Variants in DOCK1 observed in about 807,000 individuals in gnomAD.
The protein encoded by DOCK1 is dedicator of cytokinesis 1, also known as dedicator of cytokinesis protein 1.
A neutral mutation model predicts 262.7 loss-of-function variants in DOCK1; 138 were observed. The observed-to-expected ratio is 0.53, with a 90% CI of 0.46 to 0.61. The LOEUF is 0.61. DOCK1 is among the 20% of genes least tolerant of loss of function. The pLI, the probability that DOCK1 is intolerant of heterozygous loss-of-function variation, is 0.00. For missense variants in DOCK1, 1,908 were observed against 2,370.7 expected (o/e 0.80, Z 4.05); for synonymous variants, 866 against 867.4 (o/e 1.00, Z 0.03).
At chr10:127,336,689 G>A (rs185991669) in intron 29 of DOCK1, among the ~76,000 whole-genome samples, 2,691 of 152,026 alleles carry the variant, frequency 0.018, 35 homozygotes, top group Non-Finnish European at 0.028. Flanking sequence ...GCAGGTGCCC[G>A]CCACCACACC....
chr10:127,284,969 CAA>C (rs56182315), intron 29 of DOCK1, among the ~76,000 whole-genome samples: 2 of 149,216 alleles, frequency 1.3e-5, no homozygotes, highest in African/African-American at 4.9e-5. Context: ...CTTGTCTCTA[CAA>C]AAAAAAAATT....
intron 27 of DOCK1, among the ~76,000 whole-genome samples, chr10:127,201,130 A>G (rs1342274015): frequency 6.6e-6 from 1 of 152,212 alleles, no homozygotes; most frequent in Non-Finnish European, 1.5e-5. Flanking sequence ...TCTTTCAAGA[A>G]CAAGACAGAC....
At chr10:127,111,378 AG>A (rs1297958700) in intron 25 of DOCK1, among the ~76,000 whole-genome samples, 2 of 152,198 alleles carry the variant, frequency 1.3e-5, no homozygotes, top group African/African-American at 4.8e-5. Flanking sequence ...GACTTTCTGC[AG>A]CCCCTCCATG....
At chr10:127,036,098 T>C (rs2043596155) in intron 18 of DOCK1, among the ~76,000 whole-genome samples, 1 of 152,164 alleles carries the variant, frequency 6.6e-6, no homozygotes, top group South Asian at 2.1e-4. Context: ...CTGCTGCCAT[T>C]TGTGCTTTGG....
chr10:127,180,581 T>C (rs1406569140), intron 27 of DOCK1, among the ~76,000 whole-genome samples: 1 of 152,222 alleles, frequency 6.6e-6, no homozygotes, highest in Non-Finnish European at 1.5e-5. Flanking sequence ...AAGTGAGCTG[T>C]AAATACATAA....
intron 1 of DOCK1, among the ~76,000 whole-genome samples, chr10:126,965,701 T>C (rs2134607797): frequency 6.6e-6 from 1 of 152,288 alleles, no homozygotes; most frequent in South Asian, 2.1e-4. Flanking sequence ...TCAAGTTGTT[T>C]TTTTTGCTTT....
chr10:126,945,036 A>T (rs1410140199), intron 1 of DOCK1, among the ~76,000 whole-genome samples: 1 of 151,826 alleles, frequency 6.6e-6, no homozygotes, highest in African/African-American at 2.4e-5. Flanking sequence ...ACGGGGTTTC[A>T]CTATGTCAGT....
chr10:127,271,994 GTGTT>G (rs1182900790), intron 29 of DOCK1: 1 of 152,200 alleles, frequency 6.6e-6, no homozygotes, highest in Non-Finnish European at 1.5e-5. Context: ...AGGGCGATCT[GTGTT>G]TGTACGTTTC....
chr10:126,985,226 C>T (rs1278604976), intron 4 of DOCK1, among the ~76,000 whole-genome samples: 1 of 152,110 alleles, frequency 6.6e-6, no homozygotes, highest in Non-Finnish European at 1.5e-5. Context: ...CGTGCTCTAC[C>T]CGCTTTAGCC....
intron 1 of DOCK1, among the ~76,000 whole-genome samples, chr10:126,927,529 C>T (rs981612885): frequency 6.6e-6 from 1 of 152,078 alleles, no homozygotes; most frequent in Non-Finnish European, 1.5e-5. Flanking sequence ...CTCCGCCTCC[C>T]GGGTTCAAGC....
intron 38 of DOCK1, among the ~76,000 whole-genome samples, chr10:127,395,401 T>A (rs1026478446): frequency 1.3e-5 from 2 of 152,240 alleles, no homozygotes; most frequent in South Asian, 4.1e-4. Context: ...TCATGAGGGC[T>A]CCACCGTCAT....
At chr10:127,349,634 CGGGT>C (rs1565014196) in intron 31 of DOCK1, among the ~76,000 whole-genome samples, 2 of 152,168 alleles carry the variant, frequency 1.3e-5, no homozygotes, top group African/African-American at 4.8e-5. Context: ...GAACACAAAC[CGGGT>C]GGCTTGAATT....
chr10:127,373,226 C>A (rs986403517), intron 33 of DOCK1, among the ~76,000 whole-genome samples: 3 of 152,176 alleles, frequency 2.0e-5, no homozygotes, highest in African/African-American at 7.2e-5. Flanking sequence ...GATGGACCTT[C>A]TTGAGGTGCC....
chr10:127,019,009 T>C (rs1188454485), intron 13 of DOCK1, 174 bp downstream of exon 13: 8 of 980,730 alleles, frequency 8.2e-6, no homozygotes, highest in Non-Finnish European at 1.2e-5. Context: ...ACCGGAGTGG[T>C]AGAATATGCT....
chr10:126,917,915 C>G (rs1247771455), intron 1 of DOCK1, among the ~76,000 whole-genome samples: 1 of 152,140 alleles, frequency 6.6e-6, no homozygotes, highest in East Asian at 1.9e-4. Context: ...AGGCAGAACC[C>G]CTAAAGCAGA....
At chr10:127,158,028 T>C (rs2053246747) in intron 27 of DOCK1, among the ~76,000 whole-genome samples, 3 of 152,228 alleles carry the variant, frequency 2.0e-5, no homozygotes, top group Admixed American at 2.0e-4. Flanking sequence ...TCATAATCCA[T>C]CTAATTGTCC....
rs34450374 is a variant in DOCK1 at position 127,206,136 on chromosome 10, C to CTTTTTTTTTTTTTT, written c.2848-41860_2848-41847dup. ...GTCATCTACCATATATTCTTCTTCTCTTTTTTTTTTTTTTTTTTTTTTTTT... is the reference window on the plus strand; with the variant it reads ...GTCATCTACCATATATTCTTCTTCTCTTTTTTTTTTTTTTTTTTTTTTTTTTTTTTTTTTTTTTT... On this transcript the variant is annotated intron_variant, in intron 27 of 51. Transcript: ENST00000623213. 1.1e-4 allele frequency among the ~76,000 whole-genome samples: 9 copies of CTTTTTTTTTTTTTT among 78,626 alleles called. 1 individual carries two copies. Among genetic ancestry groups the CTTTTTTTTTTTTTT allele is most frequent in the Non-Finnish European group, 1.1e-4 (5 of 44,716 alleles). 51.6% of individuals were successfully genotyped at this position (78,626 alleles called of 152,430 possible). A position where few individuals can be genotyped will look rare whatever the true frequency, so the allele number is the denominator to read the frequency against.
rs184533361 is a variant in DOCK1 at position 127,162,211 on chromosome 10, A to G, written c.2847+34447A>G. On this transcript the variant is annotated intron_variant, in intron 27 of 51. Coordinates refer to ENST00000623213, the MANE Select transcript of DOCK1 (RefSeq NM_001290223.2). Reference sequence around the variant, plus strand: ...CTAGAATGTCTTTCTGGGGAAGGGCAAATACTTCTTTTTCAGACACCCGTG... The same window carrying G: ...CTAGAATGTCTTTCTGGGGAAGGGCGAATACTTCTTTTTCAGACACCCGTG... 3.9e-5 allele frequency among the ~76,000 whole-genome samples: 6 copies of G among 152,294 alleles called. No individual in the cohort carries two copies. In the East Asian group the frequency reaches 1.2e-3, roughly 29 times the overall value.
At chr10:127,188,004 T>C (rs1162689252) in intron 27 of DOCK1, among the ~76,000 whole-genome samples, 1 of 152,182 alleles carries the variant, frequency 6.6e-6, no homozygotes, top group African/African-American at 2.4e-5. Flanking sequence ...CTTAGAGAAG[T>C]TTGTGGCATA....
Sources: allele counts gnomAD v4.1 joint callset (sites outside exome capture counted in the v4.1 genomes callset), GRCh38; gene constraint gnomAD v4.1.1; transcripts MANE v1.5; gene names NCBI Gene and HGNC (gene_info 2026-07-23, HGNC 2026-07-21).